The following ACTL8 variants were observed in gnomAD, a reference collection of about 807,000 sequenced individuals.
The protein encoded by ACTL8 is actin-like protein 8.
A neutral mutation model predicts 9.3 loss-of-function variants in ACTL8; 3 were observed. The ratio of observed to expected loss-of-function variants is 0.32; its 90% confidence interval spans 0.15 to 0.83. The LOEUF (loss-of-function observed/expected upper bound fraction) is 0.83. Among genes scored for constraint, ACTL8 ranks in the 40% least tolerant of loss-of-function variants. ACTL8 has a pLI of 0.57. For missense variants in ACTL8, 381 were observed against 492.2 expected (o/e 0.77, Z 2.14); for synonymous variants, 224 against 205.9 (o/e 1.09, Z -0.75).
At chr1:17,825,615 T>A (rs950324332) in intron 2 of ACTL8, 152 bp from the exon 3 acceptor site, 2 of 1,003,550 alleles carry the variant, frequency 2.0e-6, no homozygotes, top group African/African-American at 3.3e-5. Context: ...AGCTGCTGCA[T>A]TATCCTCACT....
At chr1:17,802,393 C>T (rs1296628198) in intron 1 of ACTL8, among the ~76,000 whole-genome samples, 1 of 151,294 alleles carries the variant, frequency 6.6e-6, no homozygotes, top group Non-Finnish European at 1.5e-5. Flanking sequence ...CGTGCTGGCA[C>T]TGAACAGCAG....
intron 1 of ACTL8, among the ~76,000 whole-genome samples, chr1:17,792,468 C>T (rs2066247044): frequency 6.6e-6 from 1 of 152,220 alleles, no homozygotes. Flanking sequence ...AAGCGTCCAT[C>T]TTTCTGATAA....
chr1:17,799,133 G>T (rs260518), intron 1 of ACTL8, among the ~76,000 whole-genome samples: 1 of 152,130 alleles, frequency 6.6e-6, no homozygotes, highest in East Asian at 1.9e-4. Flanking sequence ...TGGTTTCTCT[G>T]GGGGGTGTGC....
chr1:17,817,627 C>G (rs753946175), intron 1 of ACTL8, among the ~76,000 whole-genome samples: 1 of 152,116 alleles, frequency 6.6e-6, no homozygotes, highest in Non-Finnish European at 1.5e-5. Flanking sequence ...CTTAGAGGCC[C>G]TCAGGCACAA....
chr1:17,777,701 C>T (rs1454713652), intron 1 of ACTL8, among the ~76,000 whole-genome samples: 1 of 152,150 alleles, frequency 6.6e-6, no homozygotes, highest in African/African-American at 2.4e-5. Context: ...CCATCTGAGG[C>T]CGGCTGCCTT....
chr1:17,768,550 A>G (rs961207410), intron 1 of ACTL8, among the ~76,000 whole-genome samples: 4 of 152,212 alleles, frequency 2.6e-5, no homozygotes, highest in African/African-American at 9.7e-5. Context: ...GATGGAGGAT[A>G]TCATCAAATG....
intron 1 of ACTL8, among the ~76,000 whole-genome samples, chr1:17,804,614 T>A (rs535400148): frequency 6.6e-6 from 1 of 151,986 alleles, no homozygotes; most frequent in South Asian, 2.1e-4. Context: ...ATCTTTTTTT[T>A]TTTTTCTTTT....
rs1053583294 is a variant in ACTL8, at chr1:17,826,850, C to T, written c.*331C>T. 1 of 191,240 alleles carries T rather than the reference C, an allele frequency of 5.2e-6. No homozygotes were observed. The highest frequency in any genetic ancestry group is 1.1e-5 in the Non-Finnish European group (1 of 93,636). The allele number at this position is 191,240 out of a possible 1,614,324, so 11.8% of individuals were successfully genotyped here. ...CATTGGCATTTCCCCTGGTTTGTCT[C>T]ATTCTTCTTGGTTGAGTAGGTTTTA... On this transcript the variant is annotated 3_prime_UTR_variant, in exon 3 of 3. Transcript: ENST00000375406. The surrounding 1 kb of genome is among the most constrained non-coding windows in gnomAD (Gnocchi z 4.5).
intron 1 of ACTL8, among the ~76,000 whole-genome samples, chr1:17,814,042 T>G (rs2066409133): frequency 6.6e-6 from 1 of 152,234 alleles, no homozygotes. Context: ...GCTTTTAGCT[T>G]TTGGCTTTAT....
chr1:17,809,056 C>A (rs2066377138), intron 1 of ACTL8, among the ~76,000 whole-genome samples: 1 of 152,160 alleles, frequency 6.6e-6, no homozygotes, highest in Non-Finnish European at 1.5e-5. Context: ...CCATATGGAG[C>A]TATCATGCCG....
chr1:17,826,656 A>AT lies in ACTL8; in HGVS notation c.*143dup, dbSNP rs1241831360. 1 of 866,456 alleles carries AT rather than the reference A, an allele frequency of 1.2e-6. No homozygotes were observed. Among genetic ancestry groups the AT allele is most frequent in the East Asian group, 2.7e-5 (1 of 36,392 alleles). The allele number at this position is 866,456 out of a possible 1,614,324, so 53.7% of individuals were successfully genotyped here. ...TTTGGAATTCTAGGGGCATGAGGGT[A>AT]TTTTTTAGGTTCTAAGGTTTTATCT... is the stretch of plus-strand genomic sequence containing the variant. On this transcript the variant is annotated 3_prime_UTR_variant, in exon 3 of 3. Coordinates refer to ENST00000375406, the MANE Select transcript of ACTL8 (RefSeq NM_030812.3). This position sits in a 1 kb window ranked among gnomAD's most constrained non-coding sequence, Gnocchi z 4.5.
intron 1 of ACTL8, among the ~76,000 whole-genome samples, chr1:17,822,026 G>T (rs1047625945): frequency 3.3e-5 from 5 of 152,118 alleles, no homozygotes; most frequent in African/African-American, 1.2e-4. Flanking sequence ...TTTTCAGCAG[G>T]GGGGCTGCTG....
At chr1:17,771,382 G>A (rs778453647) in intron 1 of ACTL8, among the ~76,000 whole-genome samples, 4 of 152,186 alleles carry the variant, frequency 2.6e-5, no homozygotes, top group Admixed American at 1.3e-4. Context: ...GATTTGGCCC[G>A]TGGGCCATAG....
chr1:17,788,123 G>A (rs2066211743), intron 1 of ACTL8, among the ~76,000 whole-genome samples: 1 of 152,182 alleles, frequency 6.6e-6, no homozygotes, highest in Non-Finnish European at 1.5e-5. Flanking sequence ...TCAGCCCTGT[G>A]TATAGCATAG....
At chr1:17,760,735 G>T (rs1227295060) in intron 1 of ACTL8, among the ~76,000 whole-genome samples, 1 of 152,176 alleles carries the variant, frequency 6.6e-6, no homozygotes, top group Non-Finnish European at 1.5e-5. Flanking sequence ...GGAGTGGGTG[G>T]ACAAGGTGGC....
intron 1 of ACTL8, among the ~76,000 whole-genome samples, chr1:17,787,094 G>A (rs1321180355): frequency 6.6e-6 from 1 of 152,036 alleles, no homozygotes; most frequent in Non-Finnish European, 1.5e-5. Context: ...CTCCTTCAGT[G>A]ACATCCCCCC....
At chr1:17,779,283 A>G (rs1233599370) in intron 1 of ACTL8, among the ~76,000 whole-genome samples, 1 of 152,130 alleles carries the variant, frequency 6.6e-6, no homozygotes, top group Admixed American at 6.5e-5. Context: ...AAGCCACCAC[A>G]GAAGCCTTCT....
chr1:17,801,533 T>G (rs1043949491), intron 1 of ACTL8, among the ~76,000 whole-genome samples: 1 of 152,218 alleles, frequency 6.6e-6, no homozygotes, highest in African/African-American at 2.4e-5. Context: ...AAATTATGTA[T>G]TCCATAAAAT....
At chr1:17,785,237 C>A (rs1319532373) in intron 1 of ACTL8, among the ~76,000 whole-genome samples, 1 of 152,146 alleles carries the variant, frequency 6.6e-6, no homozygotes, top group Non-Finnish European at 1.5e-5. Flanking sequence ...ACCTTTAAAT[C>A]TCTGTTCCCT....
Sources: allele counts gnomAD v4.1 joint callset (sites outside exome capture counted in the v4.1 genomes callset), GRCh38; gene constraint gnomAD v4.1.1; non-coding constraint Gnocchi (gnomAD v3.1); transcripts MANE v1.5; gene names NCBI Gene and HGNC (gene_info 2026-07-23, HGNC 2026-07-21).